Variants in PCDH15 observed in about 807,000 individuals in gnomAD.
PCDH15 encodes the protein protocadherin-15.
Under a neutral mutation model 178.5 loss-of-function variants are expected in PCDH15, and 129 were observed. The ratio of observed to expected loss-of-function variants is 0.72; its 90% CI spans 0.63 to 0.84. The LOEUF (loss-of-function observed/expected upper bound fraction) is 0.84, where lower values mean the gene tolerates loss of function less well. PCDH15 is among the 40% of genes least tolerant of loss of function. The pLI is 0.00. For missense variants in PCDH15, 2,230 were observed against 2,099.9 expected (o/e 1.06, Z -1.21); for synonymous variants, 800 against 732.0 (o/e 1.09, Z -1.50).
chr10:55,186,415 A>C (rs1308749249), intron 1 of PCDH15, among the ~76,000 whole-genome samples: 2 of 151,302 alleles, frequency 1.3e-5, no homozygotes, highest in Non-Finnish European at 3.0e-5. Flanking sequence ...TAATAAAATC[A>C]AATATAATTA....
At chr10:54,974,742 C>T (rs1358226089) in intron 2 of PCDH15, among the ~76,000 whole-genome samples, 1 of 152,030 alleles carries the variant, frequency 6.6e-6, no homozygotes, top group African/African-American at 2.4e-5. Context: ...AAGGGCATAT[C>T]CTTTGATACA....
chr10:54,447,423 T>G (rs2076211546), intron 3 of PCDH15, among the ~76,000 whole-genome samples: 1 of 151,676 alleles, frequency 6.6e-6, no homozygotes, highest in African/African-American at 2.4e-5. Context: ...GATGACCAAT[T>G]AACTCTCTGT....
intron 8 of PCDH15, among the ~76,000 whole-genome samples, chr10:54,276,748 G>A (rs963849712): frequency 2.0e-5 from 3 of 151,668 alleles, no homozygotes; most frequent in Admixed American, 1.3e-4. Flanking sequence ...TTATACAGTG[G>A]AAGTCAGTAA....
At chr10:55,097,541 A>G (rs1174086141) in intron 2 of PCDH15, among the ~76,000 whole-genome samples, 4 of 152,154 alleles carry the variant, frequency 2.6e-5, no homozygotes, top group African/African-American at 9.7e-5. Context: ...ACAATTCTAT[A>G]AATTAAAGGA....
intron 2 of PCDH15, among the ~76,000 whole-genome samples, chr10:54,573,111 T>C (rs1218478304): frequency 6.6e-6 from 1 of 152,160 alleles, no homozygotes; most frequent in Non-Finnish European, 1.5e-5. Flanking sequence ...TACATATCAA[T>C]TTATACATGC....
intron 8 of PCDH15, among the ~76,000 whole-genome samples, chr10:54,290,894 A>G (rs1376424647): frequency 1.3e-5 from 2 of 152,200 alleles, no homozygotes; most frequent in Non-Finnish European, 2.9e-5. Flanking sequence ...CAGATTCATA[A>G]AGCAAGTCCT....
At chr10:54,728,375 T>A (rs1942872012) in intron 1 of PCDH15, among the ~76,000 whole-genome samples, 1 of 151,348 alleles carries the variant, frequency 6.6e-6, no homozygotes, top group South Asian at 2.1e-4. Flanking sequence ...AGACTTTTGA[T>A]AAAATTCAGT....
intron 2 of PCDH15, among the ~76,000 whole-genome samples, chr10:55,104,090 A>G (rs1842626691): frequency 6.7e-6 from 1 of 149,722 alleles, no homozygotes; most frequent in African/African-American, 2.5e-5. Flanking sequence ...CACACAAAAT[A>G]AACAAAACAA....
At chr10:55,027,204 T>A (rs1433540083) in intron 2 of PCDH15, among the ~76,000 whole-genome samples, 2 of 151,772 alleles carry the variant, frequency 1.3e-5, no homozygotes, top group South Asian at 4.1e-4. Context: ...TGTGTTTTTC[T>A]TTTTTGGGAA....
chr10:53,994,051 G>A (rs1339520453), intron 21 of PCDH15, among the ~76,000 whole-genome samples: 1 of 152,180 alleles, frequency 6.6e-6, no homozygotes, highest in Non-Finnish European at 1.5e-5. Context: ...GAGCTTCAAA[G>A]TGTAAAAACA....
chr10:53,816,260 C>G lies in PCDH15; in HGVS notation c.4470G>C (p.Arg1490Ser), dbSNP rs2076056176. 2.5e-6 allele frequency: 1 copy of G among 398,506 alleles called. No individual in the cohort carries two copies. The highest frequency in any genetic ancestry group is 4.4e-6 in the Non-Finnish European group (1 of 225,938). The allele number at this position is 398,506 out of a possible 1,614,324, so 24.7% of individuals were successfully genotyped here. ...ATACCTCTGGTTTAAGAAGAGAGGG[C>G]CTCAGCAGTTGCTGTTGCTGTCAAA... ...GYGSEQQQLL[R>S]PSLLKPEELS... is the part of the protein sequence containing the mutation. Residue 1490 changes from arginine (R) to serine (S), a missense_variant, in exon 35 of 38, where the codon AGG becomes AGC. Transcript: ENST00000644397.
intron 1 of PCDH15, among the ~76,000 whole-genome samples, chr10:54,735,332 G>C (rs1040998008): frequency 2.0e-5 from 3 of 152,060 alleles, no homozygotes; most frequent in Admixed American, 1.3e-4. Context: ...ACTGGTGTGA[G>C]ATGATATCTC....
intron 2 of PCDH15, among the ~76,000 whole-genome samples, chr10:55,122,076 G>T (rs1591919323): frequency 6.6e-6 from 1 of 152,126 alleles, no homozygotes; most frequent in East Asian, 1.9e-4. Flanking sequence ...TTAAGGGAAA[G>T]GATAATCTTT....
chr10:54,150,092 T>C (rs1345870077), intron 14 of PCDH15, among the ~76,000 whole-genome samples: 1 of 152,098 alleles, frequency 6.6e-6, no homozygotes, highest in Non-Finnish European at 1.5e-5. Context: ...AAGTAAACTC[T>C]TCCAAGTGTG....
intron 2 of PCDH15, among the ~76,000 whole-genome samples, chr10:55,432,870 C>A (rs1022783740): frequency 1.3e-5 from 2 of 151,664 alleles, no homozygotes; most frequent in Non-Finnish European, 2.9e-5. Flanking sequence ...GTGATCCGCC[C>A]GCCTCGGCCT....
intron 2 of PCDH15, among the ~76,000 whole-genome samples, chr10:55,052,535 TA>T: frequency 0.071 from 2 of 28 alleles, no homozygotes; most frequent in Non-Finnish European, 0.2. Flanking sequence ...CCCCGTCTCA[TA>T]CAAAAAAAAA....
At chr10:55,335,609 C>G (rs1297589380) in intron 2 of PCDH15, among the ~76,000 whole-genome samples, 1 of 152,096 alleles carries the variant, frequency 6.6e-6, no homozygotes, top group Non-Finnish European at 1.5e-5. Context: ...GATAAATCAA[C>G]AGCAAAGCAT....
At chr10:53,815,010 T>C (rs1441060179) in intron 35 of PCDH15, among the ~76,000 whole-genome samples, 1 of 149,112 alleles carries the variant, frequency 6.7e-6, no homozygotes, top group Non-Finnish European at 1.5e-5. Flanking sequence ...ACCAGTCAGA[T>C]CCATGAGTCA....
At chr10:54,654,977 T>A (rs966157478) in intron 2 of PCDH15, 1 of 152,338 alleles carries the variant, frequency 6.6e-6, no homozygotes, top group African/African-American at 2.4e-5. Flanking sequence ...TTTGGGAGGC[T>A]GAGGCGGGCG....
Sources: allele counts gnomAD v4.1 joint callset (sites outside exome capture counted in the v4.1 genomes callset), GRCh38; gene constraint gnomAD v4.1.1; transcripts MANE v1.5; gene names NCBI Gene and HGNC (gene_info 2026-07-23, HGNC 2026-07-21).